PRUNE2: variants seen among roughly 807,000 people sequenced by gnomAD.
The protein encoded by PRUNE2 is protein prune homolog 2.
Under a neutral mutation model 252.0 loss-of-function variants are expected in PRUNE2, and 164 were observed. The observed-to-expected ratio is 0.65, with a 90% CI of 0.57 to 0.74. PRUNE2 has a LOEUF of 0.74. Ranked by LOEUF, PRUNE2 falls within the 30% of genes least tolerant of loss-of-function variation. PRUNE2 has a pLI of 0.00. For missense variants in PRUNE2, 3,495 were observed against 3,711.0 expected, an observed-to-expected ratio of 0.94 and a Z score of 1.51; for synonymous variants, 1,292 against 1,350.2, an observed-to-expected ratio of 0.96 and a Z score of 0.94.
intron 9 of PRUNE2, among the ~76,000 whole-genome samples, chr9:76,694,141 C>T (rs2134531669): frequency 6.6e-6 from 1 of 152,258 alleles, no homozygotes; most frequent in Admixed American, 6.5e-5. Context: ...GGCTACAGAA[C>T]AGACACTGTA....
At chr9:76,744,532 A>G (rs888937598) in intron 6 of PRUNE2, among the ~76,000 whole-genome samples, 3 of 152,098 alleles carry the variant, frequency 2.0e-5, no homozygotes, top group Non-Finnish European at 4.4e-5. Flanking sequence ...CCTTACATCA[A>G]AGCAACCCAC....
intron 6 of PRUNE2, chr9:76,748,526 G>C (rs551233731): frequency 6.6e-6 from 1 of 152,204 alleles, no homozygotes; most frequent in South Asian, 2.1e-4. Flanking sequence ...AATGGGTTTT[G>C]GGGGTAATAA....
At chr9:76,681,669 T>C (rs914524886) in intron 9 of PRUNE2, among the ~76,000 whole-genome samples, 5 of 152,084 alleles carry the variant, frequency 3.3e-5, no homozygotes, top group African/African-American at 9.7e-5. Context: ...CACCACTGCT[T>C]CAATTTAGGC....
At chr9:76,894,848 C>T (rs1378048951) in intron 1 of PRUNE2, among the ~76,000 whole-genome samples, 2 of 151,972 alleles carry the variant, frequency 1.3e-5, no homozygotes, top group African/African-American at 4.8e-5. Flanking sequence ...GATGAAACCC[C>T]GTCTCTGCTA....
chr9:76,856,286 G>A (rs2060246485), intron 1 of PRUNE2, among the ~76,000 whole-genome samples: 1 of 152,160 alleles, frequency 6.6e-6, no homozygotes, highest in Non-Finnish European at 1.5e-5. Context: ...CCACACAAGT[G>A]AGCACGGAAT....
In PRUNE2 at chr9:76,706,871, T is replaced by C. The variant is rs369422211; in HGVS notation, c.5403A>G (p.Gln1801=). ...ETGTTGDVAW[Q]ISPKASFPKN... Reference sequence around the variant, plus strand: ...TTGGGAACGAAGCTTTGGGAGATATTTGCCATGCAACATCTCCTGTTGTCC... The same window carrying C: ...TTGGGAACGAAGCTTTGGGAGATATCTGCCATGCAACATCTCCTGTTGTCC... The change falls in exon 8 of 19, where the codon CAA becomes CAG. Residue 1801 remains glutamine (Q), a synonymous_variant. Coordinates refer to ENST00000376718, the MANE Select transcript of PRUNE2 (RefSeq NM_015225.3). 343 of 1,594,848 alleles carry C rather than the reference T, an allele frequency of 2.2e-4. No individual in the cohort carries two copies. Among genetic ancestry groups the C allele is most frequent in the Non-Finnish European group, 2.8e-4 (332 of 1,170,904 alleles).
At chr9:76,801,836 C>G (rs972539409) in intron 6 of PRUNE2, among the ~76,000 whole-genome samples, 5 of 152,076 alleles carry the variant, frequency 3.3e-5, no homozygotes, top group Non-Finnish European at 7.4e-5. Flanking sequence ...CAGAATCTGA[C>G]CTAGGGCATC....
chr9:76,869,594 T>A (rs926499743), intron 1 of PRUNE2, among the ~76,000 whole-genome samples: 2 of 152,172 alleles, frequency 1.3e-5, no homozygotes, highest in East Asian at 1.9e-4. Flanking sequence ...AACAGTGCAA[T>A]AGAAAGTAAA....
chr9:76,655,377 G>C (rs1331154091), intron 10 of PRUNE2, 46 bp downstream of exon 10: 11 of 1,311,042 alleles, frequency 8.4e-6, no homozygotes, highest in Admixed American at 1.8e-5. Context: ...TGAAAACGTT[G>C]GGATACAGAA....
At chr9:76,782,186 C>T (rs914556951) in intron 6 of PRUNE2, among the ~76,000 whole-genome samples, 6 of 151,344 alleles carry the variant, frequency 4.0e-5, no homozygotes, top group African/African-American at 1.5e-4. Flanking sequence ...TGCACTCCAG[C>T]CTGGGTGACA....
At chr9:76,876,927 C>T (rs906134677) in intron 1 of PRUNE2, among the ~76,000 whole-genome samples, 7 of 152,166 alleles carry the variant, frequency 4.6e-5, no homozygotes, top group African/African-American at 1.7e-4. Context: ...GTTGTCTCCT[C>T]AGGATACCAT....
At chr9:76,884,155 C>T (rs2061951825) in intron 1 of PRUNE2, among the ~76,000 whole-genome samples, 2 of 152,112 alleles carry the variant, frequency 1.3e-5, no homozygotes, top group African/African-American at 4.8e-5. Context: ...TGCTGAAAGG[C>T]TTGCACAAAG....
intron 9 of PRUNE2, chr9:76,700,322 TTC>T (rs1468147949): frequency 6.6e-6 from 1 of 152,214 alleles, no homozygotes; most frequent in African/African-American, 2.4e-5. Flanking sequence ...TTTCTTAATT[TTC>T]TTTTTTGCAG....
chr9:76,753,919 G>GA (rs369077074), intron 6 of PRUNE2, among the ~76,000 whole-genome samples: 57,576 of 128,820 alleles, frequency 0.45, 12,482 homozygotes, highest in Admixed American at 0.55. Flanking sequence ...CTCTGTCTCA[G>GA]AAAAAAAAAA....
chr9:76,630,535 T>A (rs1316348562), intron 15 of PRUNE2, among the ~76,000 whole-genome samples: 1 of 152,208 alleles, frequency 6.6e-6, no homozygotes, highest in Admixed American at 6.5e-5. Context: ...TTTTCTTTTT[T>A]TCTTTTTGAG....
At chr9:76,677,159 T>C (rs2042738862) in intron 9 of PRUNE2, among the ~76,000 whole-genome samples, 1 of 152,286 alleles carries the variant, frequency 6.6e-6, no homozygotes, top group South Asian at 2.1e-4. Context: ...TGCAGTCTGT[T>C]TTCCAATTCA....
intron 6 of PRUNE2, among the ~76,000 whole-genome samples, chr9:76,805,584 G>A (rs1266050067): frequency 3.3e-5 from 5 of 152,138 alleles, no homozygotes; most frequent in Non-Finnish European, 5.9e-5. Flanking sequence ...GACAGCGAAA[G>A]ACTCCGTCTC....
intron 6 of PRUNE2, among the ~76,000 whole-genome samples, chr9:76,794,819 A>C (rs1200525225): frequency 6.6e-6 from 1 of 152,164 alleles, no homozygotes; most frequent in Non-Finnish European, 1.5e-5. Context: ...TACCTCATGG[A>C]GTGGCCCTAA....
In PRUNE2 at chr9:76,703,816, C is replaced by T. The variant is rs748214230; in HGVS notation, c.7797G>A (p.Gln2599=). The change falls in exon 9 of 19, where the codon CAG becomes CAA. Residue 2599 remains glutamine (Q), a synonymous_variant. Coordinates refer to ENST00000376718, the MANE Select transcript of PRUNE2 (RefSeq NM_015225.3). ...CTTTTCTTTCATTTAAGGAGGCTGGCTGACATGTGTCTGGGAAGCTTGCTA... is the reference window on the plus strand; with the variant it reads ...CTTTTCTTTCATTTAAGGAGGCTGGTTGACATGTGTCTGGGAAGCTTGCTA... ...TQLASFPDTC[Q]PASLNERKGL... 2 of 1,613,996 alleles carry T rather than the reference C, an allele frequency of 1.2e-6. No individual in the cohort carries two copies. Among genetic ancestry groups the T allele is most frequent in the South Asian group, 2.2e-5 (2 of 91,086 alleles).
Sources: allele counts gnomAD v4.1 joint callset (sites outside exome capture counted in the v4.1 genomes callset), GRCh38; gene constraint gnomAD v4.1.1; transcripts MANE v1.5; gene names NCBI Gene and HGNC (gene_info 2026-07-23, HGNC 2026-07-21).